GNG7: variants seen among roughly 807,000 people sequenced by gnomAD.
GNG7 encodes G protein subunit gamma 7.
Under a neutral mutation model 4.0 loss-of-function variants are expected in GNG7, and 1 was observed. The observed-to-expected ratio is 0.25, with a 90% CI of 0.09 to 1.18. The LOEUF is 1.18. Ranked by LOEUF, GNG7 falls within the 50% of genes most tolerant of loss-of-function variation. GNG7 has a pLI of 0.50. For missense variants in GNG7, 86 were observed against 91.9 expected, an observed-to-expected ratio of 0.94 and a Z score of 0.26; for synonymous variants, 34 against 36.9, an observed-to-expected ratio of 0.92 and a Z score of 0.29.
chr19:2,583,220 C>CAAAT (rs1236255857), intron 2 of GNG7, among the ~76,000 whole-genome samples: 2 of 152,120 alleles, frequency 1.3e-5, no homozygotes, highest in Non-Finnish European at 2.9e-5. Context: ...TTCTTGAAAG[C>CAAAT]AAATCTCCCT....
chr19:2,585,534 G>A (rs927530186), intron 2 of GNG7, among the ~76,000 whole-genome samples: 1 of 152,150 alleles, frequency 6.6e-6, no homozygotes, highest in African/African-American at 2.4e-5. Context: ...CAACTTCTCC[G>A]TAAGTTCAAA....
At chr19:2,560,068 A>T (rs891703602) in intron 2 of GNG7, among the ~76,000 whole-genome samples, 2 of 152,018 alleles carry the variant, frequency 1.3e-5, no homozygotes, top group African/African-American at 4.8e-5. Flanking sequence ...GGAAACGGGG[A>T]GGCGGAGCGT....
intron 2 of GNG7, among the ~76,000 whole-genome samples, chr19:2,605,209 GT>G (rs1292553966): frequency 6.6e-6 from 1 of 151,820 alleles, no homozygotes; most frequent in Non-Finnish European, 1.5e-5. Context: ...TTTTTTGTTT[GT>G]TTTTTGAGAC....
chr19:2,643,692 G>C, intron 2 of GNG7: 2 of 454,318 alleles, frequency 4.4e-6, no homozygotes, highest in Non-Finnish European at 8.9e-6. Flanking sequence ...TTTTCTGTTG[G>C]TGTCACAGCT....
chr19:2,581,049 G>C (rs1980487892), intron 2 of GNG7, among the ~76,000 whole-genome samples: 2 of 152,114 alleles, frequency 1.3e-5, no homozygotes, highest in African/African-American at 4.8e-5. Flanking sequence ...ACAGGCGTGG[G>C]CCACTGCGCC....
chr19:2,535,225 A>G (rs1055008442), intron 3 of GNG7, among the ~76,000 whole-genome samples: 1 of 151,538 alleles, frequency 6.6e-6, no homozygotes, highest in Non-Finnish European at 1.5e-5. Context: ...GCAGTGGCTC[A>G]TGCTGGTAGT....
intron 1 of GNG7, among the ~76,000 whole-genome samples, chr19:2,663,738 T>G (rs145905942): frequency 6.6e-6 from 1 of 152,324 alleles, no homozygotes; most frequent in East Asian, 1.9e-4. Flanking sequence ...ATTTTGGCAT[T>G]TTGCAAATTA....
intron 2 of GNG7, among the ~76,000 whole-genome samples, chr19:2,569,818 C>G (rs1199172125): frequency 1.3e-5 from 2 of 152,192 alleles, no homozygotes; most frequent in Non-Finnish European, 2.9e-5. Flanking sequence ...ATGACAACCA[C>G]AAACGTCACC....
chr19:2,666,750 C>G (rs1983321761), intron 1 of GNG7, among the ~76,000 whole-genome samples: 2 of 152,202 alleles, frequency 1.3e-5, no homozygotes. Flanking sequence ...TGAAAGCAGC[C>G]ATAGACTATG....
At position 2,659,171 on chromosome 19, in the gene GNG7, G is replaced by A. The variant is rs189136822; in HGVS notation, c.-134-12891C>T. Among the ~76,000 whole-genome samples the A allele has an allele frequency of 4.8e-3, 726 of 151,940 alleles. 5 individuals are homozygous for A. The highest frequency in any genetic ancestry group is 0.016 in the African/African-American group (654 of 41,504). On this transcript the variant is annotated intron_variant, in intron 1 of 4. Coordinates refer to ENST00000382159, the MANE Select transcript of GNG7 (RefSeq NM_052847.3). ...TTTTTAGTAGAGACGAGGTTTCACCGGGTTAGCCAGGATGGTCTCAATCTC... is the reference window on the plus strand; with the variant it reads ...TTTTTAGTAGAGACGAGGTTTCACCAGGTTAGCCAGGATGGTCTCAATCTC...
chr19:2,598,563 A>AAG (rs1981099912), intron 2 of GNG7, among the ~76,000 whole-genome samples: 1 of 151,886 alleles, frequency 6.6e-6, no homozygotes, highest in African/African-American at 2.4e-5. Flanking sequence ...AGGCTGAGGC[A>AAG]GGAGAATGGT....
In GNG7 at chr19:2,606,157, T is replaced by C. The variant is rs1389501773; in HGVS notation, c.-78+40067A>G. On this transcript the variant is annotated intron_variant, in intron 2 of 4. Coordinates refer to ENST00000382159, the MANE Select transcript of GNG7 (RefSeq NM_052847.3). ...ACTGTGGGAGGCCGAGGTGGGTGGA[T>C]TGCTTGAGCCCAGGAGTTTGAGACC... is the stretch of plus-strand genomic sequence containing the variant. 2.0e-5 allele frequency among the ~76,000 whole-genome samples: 3 copies of C among 152,046 alleles called. 1 individual carries two copies. The highest frequency in any genetic ancestry group is 1.3e-4 in the Admixed American group (2 of 15,264).
At chr19:2,666,953 T>G (rs1459131361) in intron 1 of GNG7, among the ~76,000 whole-genome samples, 1 of 152,004 alleles carries the variant, frequency 6.6e-6, no homozygotes, top group Admixed American at 6.6e-5. Flanking sequence ...TAGATGAGGG[T>G]CCTGTCAAAA....
chr19:2,559,728 G>T (rs914288757), intron 2 of GNG7, among the ~76,000 whole-genome samples: 1 of 152,146 alleles, frequency 6.6e-6, no homozygotes, highest in Non-Finnish European at 1.5e-5. Context: ...TGGTCAGACT[G>T]GTCTCGATCT....
chr19:2,671,373 G>A (rs146013863), intron 1 of GNG7, among the ~76,000 whole-genome samples: 153 of 152,184 alleles, frequency 1.0e-3, no homozygotes, highest in African/African-American at 3.3e-3. Context: ...GCCTCGACCT[G>A]GCCAGCACCA....
At chr19:2,545,284 C>A (rs1979088765) in intron 3 of GNG7, among the ~76,000 whole-genome samples, 1 of 152,088 alleles carries the variant, frequency 6.6e-6, no homozygotes. Context: ...CAGGACAGGC[C>A]CACCTCAGAG....
chr19:2,581,882 A>G (rs1443648617), intron 2 of GNG7, among the ~76,000 whole-genome samples: 1 of 152,114 alleles, frequency 6.6e-6, no homozygotes, highest in Non-Finnish European at 1.5e-5. Flanking sequence ...GGGGACAGGG[A>G]GGTGAGAACA....
intron 2 of GNG7, among the ~76,000 whole-genome samples, chr19:2,577,165 C>T (rs908789840): frequency 3.3e-5 from 5 of 152,236 alleles, no homozygotes; most frequent in Non-Finnish European, 5.9e-5. Context: ...CATGTGGCGC[C>T]TTCCAACACA....
intron 3 of GNG7, among the ~76,000 whole-genome samples, chr19:2,537,901 C>T (rs1020607147): frequency 1.3e-5 from 2 of 152,016 alleles, no homozygotes; most frequent in Admixed American, 1.3e-4. Context: ...CACGGTGAAA[C>T]CCCATCTCTA....
Sources: allele counts gnomAD v4.1 joint callset (sites outside exome capture counted in the v4.1 genomes callset), GRCh38; gene constraint gnomAD v4.1.1; transcripts MANE v1.5; gene names NCBI Gene and HGNC (gene_info 2026-07-23, HGNC 2026-07-21).